Variants in CLSTN2 observed in about 807,000 individuals in gnomAD.
CLSTN2 encodes calsyntenin-2.
CLSTN2 carries 48 observed loss-of-function variants against 101.2 expected under a neutral mutation model. The ratio of observed to expected loss-of-function variants is 0.47; its 90% CI spans 0.38 to 0.60. The LOEUF (loss-of-function observed/expected upper bound fraction) is 0.60. Ranked by LOEUF, CLSTN2 falls within the 20% of genes least tolerant of loss-of-function variation. The pLI, the probability that CLSTN2 is intolerant of heterozygous loss-of-function variation, is 0.00. For missense variants in CLSTN2, 1,160 were observed against 1,238.2 expected, an observed-to-expected ratio of 0.94 and a Z score of 0.95; for synonymous variants, 481 against 463.6, an observed-to-expected ratio of 1.04 and a Z score of -0.48.
intron 1 of CLSTN2, among the ~76,000 whole-genome samples, chr3:140,134,109 C>A (rs2009563471): frequency 6.6e-6 from 1 of 152,200 alleles, no homozygotes; most frequent in Non-Finnish European, 1.5e-5. Flanking sequence ...GAGTGACTGA[C>A]TTGAAATTAG....
intron 1 of CLSTN2, among the ~76,000 whole-genome samples, chr3:140,045,089 A>G (rs1474581809): frequency 1.3e-5 from 2 of 152,188 alleles, no homozygotes; most frequent in African/African-American, 2.4e-5. Context: ...TGATTGGAAT[A>G]GTTTCAGAAG....
chr3:140,262,405 C>A (rs1462196143), intron 2 of CLSTN2, among the ~76,000 whole-genome samples: 2 of 152,070 alleles, frequency 1.3e-5, no homozygotes, highest in Non-Finnish European at 2.9e-5. Context: ...TCCATGGGTG[C>A]TGTTTGGCCT....
At chr3:140,552,376 C>T (rs1049951730) in intron 10 of CLSTN2, among the ~76,000 whole-genome samples, 76 of 149,616 alleles carry the variant, frequency 5.1e-4, no homozygotes, top group African/African-American at 1.8e-3. Context: ...AGAAACCCAC[C>T]CACAGAGCTG....
At chr3:140,286,229 A>T (rs1414268177) in intron 2 of CLSTN2, among the ~76,000 whole-genome samples, 1 of 152,136 alleles carries the variant, frequency 6.6e-6, no homozygotes, top group Non-Finnish European at 1.5e-5. Flanking sequence ...TAGACCATGG[A>T]TCAGAGTTGT....
At chr3:140,217,728 A>G (rs570940110) in intron 2 of CLSTN2, among the ~76,000 whole-genome samples, 2 of 152,310 alleles carry the variant, frequency 1.3e-5, no homozygotes, top group East Asian at 3.9e-4. Flanking sequence ...TCTCCCAGTC[A>G]GCTGCTTCTA....
chr3:140,098,574 G>A (rs1467035507), intron 1 of CLSTN2, among the ~76,000 whole-genome samples: 1 of 152,184 alleles, frequency 6.6e-6, no homozygotes, highest in Non-Finnish European at 1.5e-5. Flanking sequence ...TATAGACATT[G>A]CATATTTACT....
intron 1 of CLSTN2, among the ~76,000 whole-genome samples, chr3:139,945,221 G>A (rs927375941): frequency 1.3e-5 from 2 of 152,216 alleles, no homozygotes; most frequent in South Asian, 2.1e-4. Flanking sequence ...TCATGGTCTC[G>A]GACTCATGTG....
intron 5 of CLSTN2, among the ~76,000 whole-genome samples, chr3:140,433,530 G>T (rs1028451015): frequency 2.0e-5 from 3 of 152,226 alleles, no homozygotes; most frequent in African/African-American, 7.2e-5. Flanking sequence ...CAGCAGGCCA[G>T]AATGTCTCCC....
At chr3:140,312,056 C>T (rs1394634404) in intron 2 of CLSTN2, among the ~76,000 whole-genome samples, 1 of 152,206 alleles carries the variant, frequency 6.6e-6, no homozygotes, top group Non-Finnish European at 1.5e-5. Flanking sequence ...AGAGTGCTTT[C>T]CCTTTCTCCC....
At chr3:140,162,847 A>C (rs901604167) in intron 1 of CLSTN2, among the ~76,000 whole-genome samples, 4 of 152,322 alleles carry the variant, frequency 2.6e-5, no homozygotes, top group East Asian at 3.9e-4. Context: ...ACATCTTAGA[A>C]TCTAAGGCGT....
At chr3:140,197,357 G>T (rs1359627042) in intron 2 of CLSTN2, among the ~76,000 whole-genome samples, 3 of 152,128 alleles carry the variant, frequency 2.0e-5, no homozygotes, top group Non-Finnish European at 2.9e-5. Context: ...TGTACTGGGG[G>T]ACTATACATA....
intron 8 of CLSTN2, among the ~76,000 whole-genome samples, chr3:140,467,344 A>C (rs1933732131): frequency 6.6e-6 from 1 of 152,176 alleles, no homozygotes; most frequent in Non-Finnish European, 1.5e-5. Context: ...TGGAGCATTA[A>C]CGGTGGAAGT....
At position 140,575,168 on chromosome 3, in the gene CLSTN2, GT is replaced by G. The variant is rs747531425; in HGVS notation, c.*8920del. On this transcript the variant is annotated 3_prime_UTR_variant, in exon 17 of 17. Transcript: ENST00000458420. ...AGCAAAAAGCTTTTTTTGTTTTTCT[GT>G]TTTTGTTTTGTTTTTGGCGTGGAGG... 1 of 152,174 alleles carries G rather than the reference GT, an allele frequency of 6.6e-6. No homozygotes were observed. Among genetic ancestry groups the G allele is most frequent in the Admixed American group, 6.5e-5 (1 of 15,276 alleles). The allele number at this position is 152,174 out of a possible 1,614,324, so 9.4% of individuals were successfully genotyped here.
At chr3:140,044,679 C>T (rs1258802434) in intron 1 of CLSTN2, among the ~76,000 whole-genome samples, 1 of 152,110 alleles carries the variant, frequency 6.6e-6, no homozygotes, top group Admixed American at 6.5e-5. Context: ...TCATAAATAG[C>T]TCTTATTATT....
At chr3:140,252,257 A>G (rs1475038678) in intron 2 of CLSTN2, among the ~76,000 whole-genome samples, 1 of 152,212 alleles carries the variant, frequency 6.6e-6, no homozygotes, top group Admixed American at 6.5e-5. Context: ...GGGTCAGGGT[A>G]GGGAGCAAAC....
In CLSTN2 at chr3:140,228,687, G is replaced by A. The variant is rs139796718; in HGVS notation, c.232+52614G>A. Among the ~76,000 whole-genome samples the A allele has an allele frequency of 7.2e-5, 11 of 152,270 alleles. No individual in the cohort carries two copies. In the East Asian group the frequency reaches 1.9e-3, roughly 27 times the overall value. ...GGTTTAATTCAACTTACAGTTCCAC[G>A]TGGCTGGGGGCCTCACAATCATGGC... On this transcript the variant is annotated intron_variant, in intron 2 of 16. Transcript: ENST00000458420.
In CLSTN2 at chr3:140,516,770, C is replaced by A. The variant is rs141847788; in HGVS notation, c.1345-15554C>A. Among the ~76,000 whole-genome samples, 246 of 152,222 alleles carry A rather than the reference C, an allele frequency of 1.6e-3. 1 individual carries two copies. The highest frequency in any genetic ancestry group is 4.9e-3 in the African/African-American group (203 of 41,552). On this transcript the variant is annotated intron_variant, in intron 8 of 16. Transcript: ENST00000458420. The stretch of plus-strand genomic sequence containing the variant: ...GCCTCGCAGCTCTTAAGATTCTTTT[C>A]TTAGTCATCAAGTTATCTAAAGTCA...
rs953923038 is a variant in CLSTN2 at position 140,260,668 on chromosome 3, G to A, written c.232+84595G>A. 4.6e-5 allele frequency among the ~76,000 whole-genome samples: 7 copies of A among 151,970 alleles called. No individual in the cohort carries two copies. In the East Asian group the frequency reaches 5.8e-4, roughly 13 times the overall value. ...CATTAATTACAACTAATAATGATACGCTATTATCAACTAACGTCTATAGTT... is the reference window on the plus strand; with the variant it reads ...CATTAATTACAACTAATAATGATACACTATTATCAACTAACGTCTATAGTT... On this transcript the variant is annotated intron_variant, in intron 2 of 16. Transcript: ENST00000458420.
At chr3:139,986,981 C>A (rs1419296205) in intron 1 of CLSTN2, among the ~76,000 whole-genome samples, 1 of 152,122 alleles carries the variant, frequency 6.6e-6, no homozygotes, top group Non-Finnish European at 1.5e-5. Context: ...TACGCACTCT[C>A]CTTGACTTAA....
Sources: gnomAD v4.1 joint callset for allele counts (sites outside exome capture counted in the v4.1 genomes callset) on GRCh38, gnomAD v4.1.1 for gene constraint, MANE v1.5 for transcripts, NCBI Gene and HGNC (gene_info 2026-07-23, HGNC 2026-07-21) for gene names.